Variants in CNTNAP2 observed in about 807,000 individuals in gnomAD.
The protein encoded by CNTNAP2 is contactin associated protein 2.
CNTNAP2 carries 98 observed loss-of-function variants against 155.2 expected under a neutral mutation model. The ratio of observed to expected loss-of-function variants is 0.63; its 90% CI spans 0.54 to 0.75. The LOEUF (loss-of-function observed/expected upper bound fraction) is 0.75, where lower values mean the gene tolerates loss of function less well. Among genes scored for constraint, CNTNAP2 ranks in the 30% least tolerant of loss-of-function variants. The pLI is 0.00. For synonymous variants in CNTNAP2, 651 were observed against 631.2 expected, an observed-to-expected ratio of 1.03 and a Z score of -0.47; for missense variants, 1,727 against 1,688.1, an observed-to-expected ratio of 1.02 and a Z score of -0.40.
intron 8 of CNTNAP2, among the ~76,000 whole-genome samples, chr7:147,276,543 A>G (rs1490294447): frequency 6.6e-6 from 1 of 152,060 alleles, no homozygotes; most frequent in Non-Finnish European, 1.5e-5. Flanking sequence ...GTAAAAATAA[A>G]CAAATGAATT....
intron 3 of CNTNAP2, among the ~76,000 whole-genome samples, chr7:146,947,187 A>G (rs1342380605): frequency 2.0e-5 from 3 of 151,744 alleles, no homozygotes; most frequent in African/African-American, 7.3e-5. Context: ...ACCTGCCATC[A>G]CACCTGGCTA....
Position 148,147,550 on chromosome 7 carries a change from A to G in CNTNAP2, c.2614A>G (p.Arg872Gly), listed in dbSNP as rs766529568. The G allele has an allele frequency of 5.6e-6, 9 of 1,614,134 alleles. No individual in the cohort carries two copies. In the Admixed American group the frequency reaches 1.5e-4, roughly 27 times the overall value. The part of the protein sequence containing the change: ...VGNGPVEIVV[R>G]SPTPLNDDQW... ...AAATGGGCCAGTAGAGATTGTAGTG[A>G]GGTCACCAACCCCTCTCAACGATGA... The change falls in exon 17 of 24, where the codon AGG (arginine) becomes GGG (glycine). Residue 872 changes from arginine to glycine, a missense_variant. By Grantham distance (125) the Arg-to-Gly change is moderately radical. Coordinates refer to ENST00000361727, the MANE Select transcript of CNTNAP2 (RefSeq NM_014141.6).
At chr7:147,285,177 T>TTG (rs57776934) in intron 8 of CNTNAP2, among the ~76,000 whole-genome samples, 25,787 of 151,828 alleles carry the variant, frequency 0.17, 3,535 homozygotes, top group East Asian at 0.75. Flanking sequence ...TCATAAAGGA[T>TTG]TGTACCTGGA....
chr7:147,805,075 ATT>A (rs34878870), intron 13 of CNTNAP2, among the ~76,000 whole-genome samples: 1 of 146,002 alleles, frequency 6.8e-6, no homozygotes. Flanking sequence ...ATTCAATATC[ATT>A]TTTTTTTTTT....
intron 20 of CNTNAP2, among the ~76,000 whole-genome samples, chr7:148,247,502 C>G (rs933927852): frequency 2.0e-5 from 3 of 151,894 alleles, no homozygotes; most frequent in African/African-American, 7.2e-5. Context: ...AAAATTTCTC[C>G]TGAGACCACT....
intron 3 of CNTNAP2, among the ~76,000 whole-genome samples, chr7:146,970,874 T>G: frequency 6.6e-6 from 1 of 152,044 alleles, no homozygotes; most frequent in East Asian, 1.9e-4. Context: ...TGGAATACTA[T>G]GCAGCCATAA....
At chr7:146,513,323 A>G (rs1797495182) in intron 1 of CNTNAP2, among the ~76,000 whole-genome samples, 1 of 151,922 alleles carries the variant, frequency 6.6e-6, no homozygotes, top group Admixed American at 6.6e-5. Context: ...GTAAGGACTT[A>G]CTACTGCCAT....
At chr7:147,952,874 T>C (rs990936355) in intron 14 of CNTNAP2, among the ~76,000 whole-genome samples, 8 of 152,314 alleles carry the variant, frequency 5.3e-5, no homozygotes, top group Non-Finnish European at 8.8e-5. Context: ...AATTACTATC[T>C]ACCAATGTAT....
chr7:147,654,627 T>G (rs2116944856), intron 13 of CNTNAP2, among the ~76,000 whole-genome samples: 1 of 152,268 alleles, frequency 6.6e-6, no homozygotes, highest in African/African-American at 2.4e-5. Context: ...AACTCACTCA[T>G]GATGTTTGGA....
intron 15 of CNTNAP2, among the ~76,000 whole-genome samples, chr7:148,029,949 A>C (rs1318579929): frequency 1.3e-5 from 2 of 152,238 alleles, no homozygotes; most frequent in East Asian, 3.8e-4. Context: ...AAGTGTTTAA[A>C]ATTATTTTTA....
chr7:146,917,260 C>T (rs1028150084), intron 3 of CNTNAP2, among the ~76,000 whole-genome samples: 1 of 152,084 alleles, frequency 6.6e-6, no homozygotes, highest in Admixed American at 6.6e-5. Flanking sequence ...GTTCCATGAG[C>T]TGATAAATAG....
intron 3 of CNTNAP2, among the ~76,000 whole-genome samples, chr7:146,916,163 G>A (rs1796390130): frequency 6.6e-6 from 1 of 152,062 alleles, no homozygotes; most frequent in Non-Finnish European, 1.5e-5. Flanking sequence ...TCCTTGTTAT[G>A]AGACCCACTT....
At chr7:147,994,676 A>C (rs1040673708) in intron 15 of CNTNAP2, among the ~76,000 whole-genome samples, 1 of 152,134 alleles carries the variant, frequency 6.6e-6, no homozygotes, top group African/African-American at 2.4e-5. Flanking sequence ...GCCTTCCACC[A>C]TGATTGTGAA....
At chr7:147,577,572 TAG>T (rs1300090444) in intron 12 of CNTNAP2, among the ~76,000 whole-genome samples, 7 of 151,906 alleles carry the variant, frequency 4.6e-5, no homozygotes, top group African/African-American at 1.7e-4. Flanking sequence ...CTCTCCCATG[TAG>T]AGTTTCTTCT....
At chr7:147,949,458 A>ATATATATATATATATATATATATATTT (rs1433579404) in intron 14 of CNTNAP2, among the ~76,000 whole-genome samples, 2 of 137,408 alleles carry the variant, frequency 1.5e-5, no homozygotes, top group African/African-American at 5.5e-5. Context: ...ATATATATAT[A>ATATATATATATATATATATATATATTT]TTTTTTTTTT....
chr7:147,946,131 G>A (rs73743665), intron 14 of CNTNAP2, among the ~76,000 whole-genome samples: 4,982 of 152,012 alleles, frequency 0.033, 262 homozygotes, highest in African/African-American at 0.11. Context: ...ACCCAAACAC[G>A]TAGCAACTGA....
At chr7:147,497,344 G>A (rs1324787953) in intron 11 of CNTNAP2, among the ~76,000 whole-genome samples, 1 of 152,124 alleles carries the variant, frequency 6.6e-6, no homozygotes, top group Admixed American at 6.5e-5. Context: ...CATCACGGAT[G>A]CCACCACCAA....
At chr7:147,698,646 T>G (rs1238676313) in intron 13 of CNTNAP2, among the ~76,000 whole-genome samples, 1 of 152,190 alleles carries the variant, frequency 6.6e-6, no homozygotes, top group Non-Finnish European at 1.5e-5. Context: ...ACTGCTGTCC[T>G]GAACCCCAGG....
intron 13 of CNTNAP2, among the ~76,000 whole-genome samples, chr7:147,734,484 T>G (rs1464373012): frequency 2.6e-5 from 4 of 152,154 alleles, no homozygotes; most frequent in Middle Eastern, 3.2e-3. Context: ...TCTCTTTTTT[T>G]GTTGTGTCTC....
Sources: gnomAD v4.1 joint callset for allele counts (sites outside exome capture counted in the v4.1 genomes callset) on GRCh38, gnomAD v4.1.1 for gene constraint, MANE v1.5 for transcripts, NCBI Gene and HGNC (gene_info 2026-07-23, HGNC 2026-07-21) for gene names.